Variants in TBC1D19 observed in about 807,000 individuals in gnomAD.
TBC1D19 encodes the protein TBC1 domain family, member 19.
A neutral mutation model predicts 89.0 loss-of-function variants in TBC1D19; 60 were observed. The observed-to-expected ratio is 0.67, with a 90% CI of 0.55 to 0.84. The LOEUF (loss-of-function observed/expected upper bound fraction) is 0.84, where lower values mean the gene tolerates loss of function less well. TBC1D19 is among the 40% of genes least tolerant of loss of function. The pLI is 0.00. For synonymous variants in TBC1D19, 189 were observed against 199.7 expected (o/e 0.95, Z 0.45); for missense variants, 500 against 610.8 (o/e 0.82, Z 1.91).
intron 8 of TBC1D19, among the ~76,000 whole-genome samples, chr4:26,661,664 C>T (rs893180695): frequency 6.6e-6 from 1 of 152,208 alleles, no homozygotes; most frequent in African/African-American, 2.4e-5. Flanking sequence ...ATTTCAGGTT[C>T]TGATTTACAT....
At chr4:26,623,183 A>G (rs1001427315) in intron 4 of TBC1D19, among the ~76,000 whole-genome samples, 1 of 152,038 alleles carries the variant, frequency 6.6e-6, no homozygotes, top group Non-Finnish European at 1.5e-5. Flanking sequence ...CTCTTCCCCA[A>G]CAGACTTCTG....
chr4:26,819,760 T>C, the TBC1D19 span, among the ~76,000 whole-genome samples: 1 of 152,202 alleles, frequency 6.6e-6, no homozygotes, highest in Non-Finnish European at 1.5e-5. Flanking sequence ...CCAGTATGGC[T>C]CTCAGACACC....
intron 7 of TBC1D19, among the ~76,000 whole-genome samples, chr4:26,648,092 A>T (rs1483419772): frequency 6.6e-6 from 1 of 152,116 alleles, no homozygotes; most frequent in Non-Finnish European, 1.5e-5. Context: ...GGGTACACCC[A>T]CATGTGGCTT....
At chr4:26,854,837 G>A in the TBC1D19 span, among the ~76,000 whole-genome samples, 2 of 151,226 alleles carry the variant, frequency 1.3e-5, no homozygotes, top group African/African-American at 4.9e-5. Context: ...TCACTTGCTG[G>A]CTTAGCTCAT....
rs779888916 is a variant in TBC1D19, at chr4:26,577,844, G to A, written c.6+1047G>A. ...ATGGTGCATTCATTTTCTGGATGTC[G>A]CATTGTTAAAACCTTTTTATATTAT... On this transcript the variant is annotated intron_variant, in intron 1 of 12. Coordinates refer to the TBC1D19 transcript ENST00000512840. 9.2e-5 allele frequency among the ~76,000 whole-genome samples: 14 copies of A among 152,116 alleles called. No individual in the cohort carries two copies. The South Asian group carries it at 1.0e-3, about 11-fold the overall frequency.
chr4:26,680,118 G>A (rs886708903), intron 11 of TBC1D19, among the ~76,000 whole-genome samples: 2 of 152,054 alleles, frequency 1.3e-5, no homozygotes, highest in Admixed American at 1.3e-4. Flanking sequence ...CTGTGAAGAG[G>A]TGCCTTCCAC....
intron 1 of TBC1D19, among the ~76,000 whole-genome samples, chr4:26,600,641 A>C (rs1231618707): frequency 6.6e-6 from 1 of 152,232 alleles, no homozygotes; most frequent in East Asian, 1.9e-4. Flanking sequence ...GATGCGGATG[A>C]ATAGGGGACA....
the TBC1D19 span, among the ~76,000 whole-genome samples, chr4:26,821,746 A>G: frequency 6.6e-6 from 1 of 152,216 alleles, no homozygotes; most frequent in African/African-American, 2.4e-5. Context: ...GGCGGGGCTC[A>G]CCGTGGTCAT....
intron 1 of TBC1D19, among the ~76,000 whole-genome samples, chr4:26,603,253 C>T (rs982783137): frequency 3.3e-5 from 5 of 152,124 alleles, no homozygotes; most frequent in Non-Finnish European, 5.9e-5. Flanking sequence ...TATTAATGAA[C>T]ATTACTTTTA....
chr4:26,648,402 C>A (rs1321964295), intron 7 of TBC1D19, among the ~76,000 whole-genome samples: 1 of 152,186 alleles, frequency 6.6e-6, no homozygotes. Flanking sequence ...CATATTACAA[C>A]TGACTAGTTA....
chr4:26,645,508 GA>G (rs1425589025), intron 7 of TBC1D19, among the ~76,000 whole-genome samples: 11 of 152,094 alleles, frequency 7.2e-5, no homozygotes, highest in African/African-American at 2.7e-4. Context: ...GTTAATTCAA[GA>G]TTGATTAAAG....
chr4:26,695,145 T>C (rs921239668), intron 13 of TBC1D19, among the ~76,000 whole-genome samples: 2 of 152,112 alleles, frequency 1.3e-5, no homozygotes, highest in African/African-American at 4.8e-5. Flanking sequence ...GAATAACCAC[T>C]GTAGAGAAGT....
the TBC1D19 span, among the ~76,000 whole-genome samples, chr4:26,835,916 C>G: frequency 1.3e-5 from 2 of 152,002 alleles, no homozygotes; most frequent in South Asian, 4.2e-4. Context: ...TCCTGTTCTC[C>G]CCTTCAAAAT....
At chr4:26,683,580 T>G (rs1713546494) in intron 11 of TBC1D19, 95 bp from the exon 12 acceptor site, 4 of 949,078 alleles carry the variant, frequency 4.2e-6, no homozygotes, top group Non-Finnish European at 6.4e-6. Context: ...GTTCCTGCCC[T>G]TCTTAGTGTT....
chr4:26,613,173 G>A lies in TBC1D19; in HGVS notation c.104G>A (p.Ser35Asn). The change falls in exon 2 of 21, where the codon AGT (serine) becomes AAT (asparagine). Residue 35 changes from serine to asparagine, a missense_variant. Physicochemically the swap from Ser to Asn is conservative, Grantham distance 46. Coordinates refer to ENST00000264866, the MANE Select transcript of TBC1D19 (RefSeq NM_018317.4). Reference sequence around the variant, plus strand: ...TATTATTATTATTATTCTTAGGCCAGTCTTCAGAGACCTGAGATTAAACTT... The same window carrying A: ...TATTATTATTATTATTCTTAGGCCAATCTTCAGAGACCTGAGATTAAACTT... The part of the protein sequence containing the change: ...YSQLERQAWA[S>N]LQRPEIKLES... 6.5e-7 allele frequency: 1 copy of A among 1,548,784 alleles called. No individual in the cohort carries two copies. The highest frequency in any genetic ancestry group is 8.8e-7 in the Non-Finnish European group (1 of 1,140,312).
chr4:26,634,109 G>A (rs961505851), intron 4 of TBC1D19, among the ~76,000 whole-genome samples: 32 of 151,572 alleles, frequency 2.1e-4, no homozygotes, highest in African/African-American at 7.5e-4. Flanking sequence ...TTCACCTCTG[G>A]TGGTGTAGCT....
the TBC1D19 span, among the ~76,000 whole-genome samples, chr4:26,772,192 C>A: frequency 6.7e-6 from 1 of 148,452 alleles, no homozygotes; most frequent in East Asian, 2.0e-4. Context: ...ATTAAGGAGT[C>A]CGGCTCCTGG....
chr4:26,718,209 G>T (rs550705680), intron 14 of TBC1D19, among the ~76,000 whole-genome samples, 192 bp downstream of exon 14: 1 of 152,164 alleles, frequency 6.6e-6, no homozygotes, highest in East Asian at 1.9e-4. Flanking sequence ...CGGGAAAGTG[G>T]TTCCCAGAAG....
At chr4:26,739,813 C>A in intron 16 of TBC1D19, 51 bp from the exon 17 acceptor site, 3 of 1,020,154 alleles carry the variant, frequency 2.9e-6, no homozygotes, top group Middle Eastern at 2.2e-4. Context: ...ATAAATTTAT[C>A]TTAACATTTC....
Sources: allele counts gnomAD v4.1 joint callset (sites outside exome capture counted in the v4.1 genomes callset), GRCh38; gene constraint gnomAD v4.1.1; transcripts MANE v1.5; gene names NCBI Gene and HGNC (gene_info 2026-07-23, HGNC 2026-07-21).